The following GATA6 variants were observed in gnomAD, a reference collection of about 807,000 sequenced individuals.
GATA6 encodes GATA binding protein 6.
Under a neutral mutation model 48.1 loss-of-function variants are expected in GATA6, and 11 were observed. That is an observed-to-expected ratio of 0.23 (90% CI 0.14 to 0.38). The LOEUF (loss-of-function observed/expected upper bound fraction) is 0.38, where lower values mean the gene tolerates loss of function less well. GATA6 is among the 10% of genes least tolerant of loss of function. GATA6 has a pLI of 1.00. For missense variants in GATA6, 795 were observed against 850.3 expected (o/e 0.93, Z 0.81); for synonymous variants, 419 against 396.1 (o/e 1.06, Z -0.69).
chr18:22,178,340 C>T (rs1024669140), intron 3 of GATA6, among the ~76,000 whole-genome samples: 3 of 152,030 alleles, frequency 2.0e-5, no homozygotes, highest in Admixed American at 1.3e-4. Context: ...GCTTCCTAGC[C>T]GGAGAGAGTA....
Position 22,200,780 on chromosome 18 carries a change from C to T in GATA6, c.1745C>T (p.Ser582Phe). The T allele has an allele frequency of 6.2e-7, 1 of 1,613,462 alleles. No individual in the cohort carries two copies. Among genetic ancestry groups the T allele is most frequent in the Non-Finnish European group, 8.5e-7 (1 of 1,179,996 alleles). The change falls in exon 7 of 7, where the codon TCC becomes TTC. Residue 582 changes from serine to phenylalanine, a missense_variant. Ser to Phe is a radical substitution (Grantham distance 155). This residue lies in a region of GATA6 where 103 missense variants were observed against 103.7 expected (regional missense o/e 0.99). Coordinates refer to ENST00000269216, the MANE Select transcript of GATA6 (RefSeq NM_005257.6). ...VSLASPAEVTSSVRPDSWCAL... is the reference protein window; with the variant it reads ...VSLASPAEVTFSVRPDSWCAL... ...CTCGCCTCGCCGGCCGAAGTCACGTCCTCCGTGCGACCGGATTCCTGGTGC... is the reference window on the plus strand; with the variant it reads ...CTCGCCTCGCCGGCCGAAGTCACGTTCTCCGTGCGACCGGATTCCTGGTGC...
Position 22,201,807 on chromosome 18 carries a change from G to A in GATA6, c.*984G>A, listed in dbSNP as rs554756242. The A allele has an allele frequency of 6.6e-6, 1 of 152,622 alleles. No individual in the cohort carries two copies. Among genetic ancestry groups the A allele is most frequent in the South Asian group, 2.1e-4 (1 of 4,810 alleles). 9.5% of individuals were successfully genotyped at this position (152,622 alleles called of 1,614,324 possible). A position where few individuals can be genotyped will look rare whatever the true frequency, so the allele number is the denominator to read the frequency against. On this transcript the variant is annotated 3_prime_UTR_variant, in exon 7 of 7. Transcript: ENST00000269216. Reference sequence around the variant, plus strand: ...TTGCAACAACACTTTACTACCTAACGGATAGCATTTGTAAATACTCTAGGT... The same window carrying A: ...TTGCAACAACACTTTACTACCTAACAGATAGCATTTGTAAATACTCTAGGT...
chr18:22,180,197 T>C (rs776553823), intron 3 of GATA6: 1 of 152,034 alleles, frequency 6.6e-6, no homozygotes, highest in South Asian at 2.1e-4. Flanking sequence ...AATTTTAGTA[T>C]ATGTGTTGCT....
At chr18:22,169,877 T>C (rs756669601) in intron 1 of GATA6, among the ~76,000 whole-genome samples, 195 bp downstream of exon 1, 7 of 152,164 alleles carry the variant, frequency 4.6e-5, no homozygotes, top group Non-Finnish European at 1.0e-4. Context: ...TCTAGTCTCT[T>C]TTTCTCTCCT....
chr18:22,178,354 A>G lies in GATA6; in HGVS notation c.1302+1233A>G, dbSNP rs147790027. Among the ~76,000 whole-genome samples, 532 of 152,174 alleles carry G rather than the reference A, an allele frequency of 3.5e-3. 6 individuals are homozygous for G. Among genetic ancestry groups the G allele is most frequent in the African/African-American group, 0.011 (463 of 41,526 alleles). On this transcript the variant is annotated intron_variant, in intron 3 of 6. Coordinates refer to ENST00000269216, the MANE Select transcript of GATA6 (RefSeq NM_005257.6). ...TGCTTCCTAGCCGGAGAGAGTATTTACCGCTGTAATAGAGAAAATAAAGGA... is the reference window on the plus strand; with the variant it reads ...TGCTTCCTAGCCGGAGAGAGTATTTGCCGCTGTAATAGAGAAAATAAAGGA...
chr18:22,182,081 AAATAT>A (rs796953699), intron 4 of GATA6, among the ~76,000 whole-genome samples: 45 of 152,374 alleles, frequency 3.0e-4, no homozygotes, highest in African/African-American at 1.1e-3. Flanking sequence ...GGATTGCACA[AAATAT>A]AATAAACAAC....
At position 22,200,846 on chromosome 18, in the gene GATA6, G is replaced by A; in HGVS notation, c.*23G>A. 6.3e-7 allele frequency: 1 copy of A among 1,597,386 alleles called. No individual in the cohort carries two copies. The highest frequency in any genetic ancestry group is 8.5e-7 in the Non-Finnish European group (1 of 1,171,756). The stretch of plus-strand genomic sequence containing the variant: ...TGAGCCCACGCCGCCAGGAGGCAGG[G>A]AGGGCTCCGCCGCGGGCCTCACTCC... On this transcript the variant is annotated 3_prime_UTR_variant, in exon 7 of 7. Coordinates refer to ENST00000269216, the MANE Select transcript of GATA6 (RefSeq NM_005257.6).
Position 22,170,808 on chromosome 18 carries a change from A to C in GATA6, c.-37-300A>C. The C allele has an allele frequency of 4.8e-6, 2 of 419,420 alleles. No homozygotes were observed. Among genetic ancestry groups the C allele is most frequent in the Non-Finnish European group, 8.7e-6 (2 of 230,586 alleles). The allele number at this position is 419,420 out of a possible 1,614,324, so 26.0% of individuals were successfully genotyped here. On this transcript the variant is annotated intron_variant, in intron 1 of 6. Coordinates refer to ENST00000269216, the MANE Select transcript of GATA6 (RefSeq NM_005257.6). The surrounding 1 kb of genome is among the most constrained non-coding windows in gnomAD (Gnocchi z 6.7). ...CTGGGATCTGGCGCGCGCACGGAGAAAGGATGCGGCCGAGGGGGTGGGCGG... is the reference window on the plus strand; with the variant it reads ...CTGGGATCTGGCGCGCGCACGGAGACAGGATGCGGCCGAGGGGGTGGGCGG...
chr18:22,188,903 A>T (rs1400062315), intron 6 of GATA6, among the ~76,000 whole-genome samples: 1 of 152,148 alleles, frequency 6.6e-6, no homozygotes, highest in Non-Finnish European at 1.5e-5. Context: ...TCTAATGGAA[A>T]CATATTAGAC....
Position 22,200,804 on chromosome 18 carries a change from G to A in GATA6, c.1769G>A (p.Cys590Tyr). 6.2e-7 allele frequency: 1 copy of A among 1,612,176 alleles called. No homozygotes were observed. Among genetic ancestry groups the A allele is most frequent in the Non-Finnish European group, 8.5e-7 (1 of 1,179,814 alleles). ...VTSSVRPDSW[C>Y]ALALA The stretch of plus-strand genomic sequence containing the variant: ...TCCTCCGTGCGACCGGATTCCTGGT[G>A]CGCCCTGGCCCTGGCCTGAGCCCAC... The change falls in exon 7 of 7, where the codon TGC becomes TAC. Residue 590 changes from cysteine (C) to tyrosine (Y), a missense_variant. Around this residue, in one of 5 missense-constraint regions of GATA6, gnomAD observed 103 missense variants for 103.7 expected, o/e 0.99. Transcript: ENST00000269216.
At position 22,201,109 on chromosome 18, in the gene GATA6, T is replaced by C. The variant is rs1183088010; in HGVS notation, c.*286T>C. 11 of 478,902 alleles carry C rather than the reference T, an allele frequency of 2.3e-5. No individual in the cohort carries two copies. Among genetic ancestry groups the C allele is most frequent in the Non-Finnish European group, 4.1e-5 (11 of 267,570 alleles). The allele number at this position is 478,902 out of a possible 1,614,324, so 29.7% of individuals were successfully genotyped here. A position where few individuals can be genotyped will look rare whatever the true frequency, so the allele number is the denominator to read the frequency against. Reference sequence around the variant, plus strand: ...GGACTAGGACCTGGGCCTTGCCTGCTATGGAATATTGAGAGAGATTTTTTA... The same window carrying C: ...GGACTAGGACCTGGGCCTTGCCTGCCATGGAATATTGAGAGAGATTTTTTA... On this transcript the variant is annotated 3_prime_UTR_variant, in exon 7 of 7. Coordinates refer to ENST00000269216, the MANE Select transcript of GATA6 (RefSeq NM_005257.6).
chr18:22,193,814 A>G (rs1331282381), intron 6 of GATA6, among the ~76,000 whole-genome samples: 1 of 152,178 alleles, frequency 6.6e-6, no homozygotes, highest in Non-Finnish European at 1.5e-5. Context: ...TTCTTCCTCA[A>G]AGGAAATTTA....
chr18:22,180,132 G>A (rs2033174747), intron 3 of GATA6: 2 of 151,740 alleles, frequency 1.3e-5, no homozygotes, highest in Admixed American at 6.6e-5. Context: ...AAGGCTTCAC[G>A]AATTTGGGTG....
At chr18:22,179,232 T>C (rs1351573431) in intron 3 of GATA6, among the ~76,000 whole-genome samples, 1 of 152,240 alleles carries the variant, frequency 6.6e-6, no homozygotes, top group African/African-American at 2.4e-5. Context: ...GGGCTTCTTA[T>C]TTATGGTTTT....
At chr18:22,183,913 T>C (rs1310516579) in intron 6 of GATA6, among the ~76,000 whole-genome samples, 1 of 152,222 alleles carries the variant, frequency 6.6e-6, no homozygotes, top group East Asian at 1.9e-4. Flanking sequence ...GAGACAAGAT[T>C]AGGACTAAAC....
In GATA6 at chr18:22,198,871, G is replaced by A. The variant is rs554870232; in HGVS notation, c.1621-1785G>A. On this transcript the variant is annotated intron_variant, in intron 6 of 6. Coordinates refer to ENST00000269216, the MANE Select transcript of GATA6 (RefSeq NM_005257.6). The stretch of plus-strand genomic sequence containing the variant: ...CTTTAGACATCTCACTGATTTTTGT[G>A]AAATTTGCTTTTTAATGCACCTAAA... 1.9e-4 allele frequency among the ~76,000 whole-genome samples: 29 copies of A among 152,294 alleles called. No individual in the cohort carries two copies. In the South Asian group the frequency reaches 6.0e-3, roughly 32 times the overall value.
intron 6 of GATA6, among the ~76,000 whole-genome samples, chr18:22,191,738 C>CT (rs1408886929): frequency 3.9e-5 from 6 of 152,186 alleles, no homozygotes; most frequent in Admixed American, 3.9e-4. Flanking sequence ...TCACATCAGG[C>CT]TTTTTTAAAG....
chr18:22,177,156 C>A (rs1297074660), intron 3 of GATA6, 35 bp downstream of exon 3: 4 of 1,525,662 alleles, frequency 2.6e-6, no homozygotes, highest in Non-Finnish European at 3.5e-6. Flanking sequence ...GGCTCGCGGC[C>A]GGCCCCGGGC....
rs145782254 is a variant in GATA6 at position 22,195,836 on chromosome 18, G to A, written c.1621-4820G>A. ...CGGATGTGCCCTGCTTTTCTAAACC[G>A]TTCCCATATTATTAGACATTAGATT... On this transcript the variant is annotated intron_variant, in intron 6 of 6. Transcript: ENST00000269216. Among the ~76,000 whole-genome samples, 346 of 152,242 alleles carry A rather than the reference G, an allele frequency of 2.3e-3. 1 individual carries two copies. Among genetic ancestry groups the A allele is most frequent in the African/African-American group, 7.8e-3 (326 of 41,548 alleles).
Sources: gnomAD v4.1 joint callset for allele counts (sites outside exome capture counted in the v4.1 genomes callset) on GRCh38, gnomAD v4.1.1 for gene constraint, gnomAD v4.1.1 regional missense constraint, Gnocchi (gnomAD v3.1) non-coding constraint, MANE v1.5 for transcripts, NCBI Gene and HGNC (gene_info 2026-07-23, HGNC 2026-07-21) for gene names.